Variants in CABP1 observed in about 807,000 individuals in gnomAD.
CABP1 encodes the protein calcium binding protein 1, also known as calcium-binding protein 1.
CABP1 carries 17 observed loss-of-function variants against 34.3 expected under a neutral mutation model. The observed-to-expected ratio is 0.50, with a 90% CI of 0.34 to 0.74. CABP1 has a LOEUF of 0.74. CABP1 is among the 30% of genes least tolerant of loss of function. The probability of loss-of-function intolerance (pLI) is 0.01; values close to 1 mark genes in which losing one functional copy is unlikely to be tolerated. For missense variants in CABP1, 373 were observed against 511.1 expected, an observed-to-expected ratio of 0.73 and a Z score of 2.61; for synonymous variants, 198 against 229.2, an observed-to-expected ratio of 0.86 and a Z score of 1.23.
Position 120,667,148 on chromosome 12 carries a change from C to A in CABP1, c.*248C>A, listed in dbSNP as rs1881055137. The stretch of plus-strand genomic sequence containing the variant: ...CCGTGCCAAGCCGGCAGAGGTCATG[C>A]CAGGCGCCAAGGGCCATGTGCCCAG... On this transcript the variant is annotated 3_prime_UTR_variant, in exon 6 of 6. Coordinates refer to ENST00000316803, the MANE Select transcript of CABP1 (RefSeq NM_001033677.2). 4 of 580,496 alleles carry A rather than the reference C, an allele frequency of 6.9e-6. No individual in the cohort carries two copies. The South Asian group carries it at 8.2e-5, about 12-fold the overall frequency. The allele number at this position is 580,496 out of a possible 1,614,324, so 36.0% of individuals were successfully genotyped here.
At position 120,640,647 on chromosome 12, in the gene CABP1, G is replaced by T. The variant is rs892852407; in HGVS notation, c.-39G>T. On this transcript the variant is annotated 5_prime_UTR_variant, in exon 1 of 6. Transcript: ENST00000316803. The surrounding 1 kb of genome is among the most constrained non-coding windows in gnomAD (Gnocchi z 6.2). ...CCCCAGATCTGCACCGCCAGCCGCC[G>T]GGAGCTCCGGGCTCCGGGCGTAGAG... The T allele has an allele frequency of 1.7e-6, 2 of 1,154,200 alleles. No individual in the cohort carries two copies. The highest frequency in any genetic ancestry group is 2.1e-6 in the Non-Finnish European group (2 of 938,186). 71.5% of individuals were successfully genotyped at this position (1,154,200 alleles called of 1,614,324 possible). A position where few individuals can be genotyped will look rare whatever the true frequency, so the allele number is the denominator to read the frequency against.
downstream of CABP1, among the ~76,000 whole-genome samples, chr12:120,669,161 G>T (rs1045869418): frequency 6.6e-6 from 1 of 152,242 alleles, no homozygotes; most frequent in Non-Finnish European, 1.5e-5. Flanking sequence ...GCAGAGGGAG[G>T]ATCCTTATTC....
chr12:120,677,953 G>A, the CABP1 span, among the ~76,000 whole-genome samples: 82 of 152,262 alleles, frequency 5.4e-4, no homozygotes, highest in African/African-American at 1.8e-3. Context: ...TCCCTCCTGC[G>A]AAGTTGGGGA....
rs1309839162 is a variant in CABP1, at chr12:120,648,893, A to AG, written c.654+7554_654+7555insG. Among the ~76,000 whole-genome samples the AG allele has an allele frequency of 3.3e-5, 5 of 151,448 alleles. No homozygotes were observed. In the South Asian group the frequency reaches 6.3e-4, roughly 19 times the overall value. On this transcript the variant is annotated intron_variant, in intron 1 of 5. Transcript: ENST00000316803. ...AAGACACTGTCTAAAAAAAAAAAAA[A>AG]AAGAAGCTGGCAGAGCTAGACTCAA...
intron 1 of CABP1, chr12:120,656,216 C>A: frequency 6.3e-7 from 1 of 1,594,206 alleles, no homozygotes; most frequent in Non-Finnish European, 8.6e-7. Context: ...CATGCACAAC[C>A]TGCTGGGCCC....
At chr12:120,672,671 G>A in the CABP1 span, among the ~76,000 whole-genome samples, 1 of 150,912 alleles carries the variant, frequency 6.6e-6, no homozygotes, top group Non-Finnish European at 1.5e-5. Context: ...TAAAAAGTGG[G>A]CCTGACTAAA....
Position 120,660,285 on chromosome 12 carries a change from T to G in CABP1, c.775T>G (p.Tyr259Asp), listed in dbSNP as rs1457862864. The G allele has an allele frequency of 6.2e-7, 1 of 1,608,164 alleles. No homozygotes were observed. Among genetic ancestry groups the G allele is most frequent in the Admixed American group, 1.7e-5 (1 of 59,572 alleles). ...DLGNCMRTMGYMPTEMELIEL... is the reference protein window; with the variant it reads ...DLGNCMRTMGDMPTEMELIEL... ...GGGCAACTGCATGCGCACCATGGGC[T>G]ACATGCCCACCGAGATGGAGCTCAT... The change falls in exon 3 of 6, where the codon TAC becomes GAC. Residue 259 changes from tyrosine to aspartate, a missense_variant. By Grantham distance (160) the Tyr-to-Asp change is radical. This residue lies in a region of CABP1 where 109 missense variants were observed against 204.8 expected (regional missense o/e 0.53). Transcript: ENST00000316803. This position sits in a 1 kb window ranked among gnomAD's most constrained non-coding sequence, Gnocchi z 5.0.
At chr12:120,674,171 G>T in the CABP1 span, among the ~76,000 whole-genome samples, 2 of 152,230 alleles carry the variant, frequency 1.3e-5, no homozygotes, top group African/African-American at 2.4e-5. Context: ...ATGATGGAAC[G>T]AGGCCATATC....
At chr12:120,650,230 C>A (rs901381928) in intron 1 of CABP1, 1 of 168,688 alleles carries the variant, frequency 5.9e-6, no homozygotes, top group Admixed American at 6.0e-5. Flanking sequence ...AAGGAGGGGC[C>A]GAGAGAAGGG....
At chr12:120,676,716 C>T in the CABP1 span, among the ~76,000 whole-genome samples, 8 of 152,192 alleles carry the variant, frequency 5.3e-5, no homozygotes, top group South Asian at 1.0e-3. Flanking sequence ...CATCAGCCAC[C>T]GCACCCGGTC....
At chr12:120,649,895 C>G (rs1879732617) in intron 1 of CABP1, among the ~76,000 whole-genome samples, 1 of 152,200 alleles carries the variant, frequency 6.6e-6, no homozygotes, top group Non-Finnish European at 1.5e-5. Context: ...CCGCAGCTCT[C>G]AATGCAGCTG....
chr12:120,640,903 A>G lies in CABP1; in HGVS notation c.218A>G (p.Lys73Arg). 7.3e-6 allele frequency: 8 copies of G among 1,097,850 alleles called. No homozygotes were observed. The highest frequency in any genetic ancestry group is 8.9e-6 in the Non-Finnish European group (8 of 903,568). The allele number at this position is 1,097,850 out of a possible 1,614,324, so 68.0% of individuals were successfully genotyped here. The change falls in exon 1 of 6, where the codon AAG becomes AGG. Residue 73 changes from lysine to arginine, a missense_variant. Physicochemically the swap from Lys to Arg is conservative, Grantham distance 26. This residue lies in a region of CABP1 where 134 missense variants were observed against 145.4 expected (regional missense o/e 0.92). Coordinates refer to ENST00000316803, the MANE Select transcript of CABP1 (RefSeq NM_001033677.2). This position sits in a 1 kb window ranked among gnomAD's most constrained non-coding sequence, Gnocchi z 6.2. Reference protein sequence around the residue: ...AKSESKTSLLKAAAAAASGGS... With the variant: ...AKSESKTSLLRAAAAAASGGS... Reference sequence around the variant, plus strand: ...AGCGAGTCCAAGACGTCGCTGCTGAAGGCGGCGGCGGCGGCGGCGAGCGGG... The same window carrying G: ...AGCGAGTCCAAGACGTCGCTGCTGAGGGCGGCGGCGGCGGCGGCGAGCGGG...
intron 5 of CABP1, among the ~76,000 whole-genome samples, chr12:120,665,251 C>T (rs1159649282): frequency 6.6e-6 from 1 of 151,746 alleles, no homozygotes; most frequent in Non-Finnish European, 1.5e-5. Flanking sequence ...GGTGAAACCC[C>T]GTCTCTACTA....
chr12:120,672,601 C>CAA, the CABP1 span, among the ~76,000 whole-genome samples: 1 of 99,266 alleles, frequency 1.0e-5, no homozygotes, highest in Non-Finnish European at 2.2e-5. Context: ...CATTGCACTC[C>CAA]AAAAAAAAAA....
chr12:120,679,250 C>T, the CABP1 span, among the ~76,000 whole-genome samples: 2 of 152,108 alleles, frequency 1.3e-5, no homozygotes, highest in African/African-American at 4.8e-5. Flanking sequence ...AATGGCAGAG[C>T]TGTGATTTGC....
Position 120,660,359 on chromosome 12 carries a change from A to C in CABP1, c.829+20A>C. The C allele has an allele frequency of 6.2e-7, 1 of 1,609,294 alleles. No individual in the cohort carries two copies. Among genetic ancestry groups the C allele is most frequent in the African/African-American group, 1.3e-5 (1 of 74,872 alleles). On this transcript the variant is annotated intron_variant, in intron 3 of 5. Transcript: ENST00000316803. This position sits in a 1 kb window ranked among gnomAD's most constrained non-coding sequence, Gnocchi z 5.0. ...TGAACCGTGAGTCCCTCTACCAGGC[A>C]TCTGCGTCCCTTCGGTCCTCACCCT...
intron 1 of CABP1, chr12:120,656,016 TC>T: frequency 6.2e-7 from 1 of 1,602,304 alleles, no homozygotes. Context: ...GGAAAGCCCC[TC>T]CCGGGACCAG....
chr12:120,645,810 C>T (rs879378225), intron 1 of CABP1, among the ~76,000 whole-genome samples: 15 of 151,968 alleles, frequency 9.9e-5, no homozygotes, highest in African/African-American at 2.4e-4. Flanking sequence ...GCCTGGGTGA[C>T]GGAGGAAGAC....
In CABP1 at chr12:120,662,760, C is replaced by T. The variant is rs140372304; in HGVS notation, c.1087+1542C>T. ...AGTGCAATGGCACGATCTCAGCTCACTGCAACCTCTGCCTCCTGGATTCAA... is the reference window on the plus strand; with the variant it reads ...AGTGCAATGGCACGATCTCAGCTCATTGCAACCTCTGCCTCCTGGATTCAA... On this transcript the variant is annotated intron_variant, in intron 5 of 5. Transcript: ENST00000316803. 9.9e-4 allele frequency among the ~76,000 whole-genome samples: 149 copies of T among 150,228 alleles called. No homozygotes were observed. The East Asian group carries it at 0.026, about 26-fold the overall frequency.
Sources: allele counts gnomAD v4.1 joint callset (sites outside exome capture counted in the v4.1 genomes callset), GRCh38; gene constraint gnomAD v4.1.1; regional missense constraint gnomAD v4.1.1; non-coding constraint Gnocchi (gnomAD v3.1); transcripts MANE v1.5; gene names NCBI Gene and HGNC (gene_info 2026-07-23, HGNC 2026-07-21).